PRDM16: variants seen among roughly 807,000 people sequenced by gnomAD.
PRDM16 encodes histone-lysine N-methyltransferase PRDM16.
Under a neutral mutation model 110.6 loss-of-function variants are expected in PRDM16, and 23 were observed. The observed-to-expected ratio is 0.21, with a 90% CI of 0.15 to 0.29. PRDM16 has a LOEUF of 0.29. Among genes scored for constraint, PRDM16 ranks in the 10% least tolerant of loss-of-function variants. The probability of loss-of-function intolerance (pLI) is 1.00; values close to 1 mark genes in which losing one functional copy is unlikely to be tolerated. For missense variants in PRDM16, 1,615 were observed against 1,794.3 expected (o/e 0.90, Z 1.81); for synonymous variants, 799 against 781.8 (o/e 1.02, Z -0.37).
chr1:3,409,399 A>C (rs1307504468), intron 8 of PRDM16, among the ~76,000 whole-genome samples: 2 of 152,122 alleles, frequency 1.3e-5, no homozygotes, highest in Admixed American at 1.3e-4. Context: ...GAAACGAGAC[A>C]AAGTTCTTCT....
intron 3 of PRDM16, chr1:3,307,622 A>C (rs1486931730): frequency 1.3e-5 from 2 of 152,206 alleles, no homozygotes; most frequent in African/African-American, 4.8e-5. Flanking sequence ...CACAGTGTGC[A>C]AGGCTGAACG....
chr1:3,084,490 G>T (rs1642105391), intron 1 of PRDM16, among the ~76,000 whole-genome samples: 1 of 152,188 alleles, frequency 6.6e-6, no homozygotes, highest in Non-Finnish European at 1.5e-5. Flanking sequence ...AATGCTGGGG[G>T]CGAGGGGCCA....
At chr1:3,137,281 C>T (rs141021261) in intron 1 of PRDM16, among the ~76,000 whole-genome samples, 32 of 152,330 alleles carry the variant, frequency 2.1e-4, no homozygotes, top group Non-Finnish European at 4.3e-4. Flanking sequence ...CGCCACCGGC[C>T]CGGGTGCAGG....
chr1:3,168,546 A>G (rs887166377), intron 1 of PRDM16, among the ~76,000 whole-genome samples: 3 of 150,358 alleles, frequency 2.0e-5, no homozygotes, highest in African/African-American at 7.4e-5. Context: ...GTCCGGAGAA[A>G]GAAGACAAAT....
chr1:3,433,322 C>T (rs1208527901), intron 16 of PRDM16, among the ~76,000 whole-genome samples: 1 of 152,264 alleles, frequency 6.6e-6, no homozygotes, highest in Non-Finnish European at 1.5e-5. Flanking sequence ...GGGTCTTAGT[C>T]CCTCTTGTTC....
At chr1:3,356,416 A>G (rs953475634) in intron 3 of PRDM16, among the ~76,000 whole-genome samples, 3 of 152,114 alleles carry the variant, frequency 2.0e-5, no homozygotes, top group Non-Finnish European at 4.4e-5. Context: ...TCCACACCCA[A>G]TCTGCCCTCC....
At chr1:3,248,264 T>C (rs1481900271) in intron 3 of PRDM16, among the ~76,000 whole-genome samples, 2 of 152,238 alleles carry the variant, frequency 1.3e-5, no homozygotes, top group South Asian at 2.1e-4. Flanking sequence ...ATTCAATCTC[T>C]GGCGATATGA....
intron 3 of PRDM16, among the ~76,000 whole-genome samples, chr1:3,364,964 G>T (rs897268403): frequency 2.0e-5 from 3 of 152,222 alleles, no homozygotes; most frequent in African/African-American, 7.2e-5. Context: ...TGCAGCCTGG[G>T]AAAGCCTTAC....
Position 3,109,217 on chromosome 1 carries a change from G to A in PRDM16, c.37+39921G>A, listed in dbSNP as rs140800218. ...TCTTTCTGTGTCACAGGTTTTTGTC[G>A]CCTTGGGGCTAAGTGTGCTGATCCG... On this transcript the variant is annotated intron_variant, in intron 1 of 16. Coordinates refer to ENST00000270722, the MANE Select transcript of PRDM16 (RefSeq NM_022114.4). Among the ~76,000 whole-genome samples, 469 of 152,256 alleles carry A rather than the reference G, an allele frequency of 3.1e-3. 3 individuals carry two copies. Among genetic ancestry groups the A allele is most frequent in the Non-Finnish European group, 5.3e-3 (364 of 68,042 alleles).
chr1:3,278,612 C>G, intron 3 of PRDM16, among the ~76,000 whole-genome samples: 1 of 152,200 alleles, frequency 6.6e-6, no homozygotes, highest in East Asian at 1.9e-4. Flanking sequence ...CCCTGCTGCC[C>G]GGCGGGGCCT....
intron 1 of PRDM16, among the ~76,000 whole-genome samples, chr1:3,119,267 C>G (rs981498779): frequency 5.9e-5 from 9 of 152,222 alleles, no homozygotes; most frequent in Admixed American, 5.9e-4. Flanking sequence ...GGTGAAGGGC[C>G]GGTGCCTCGG....
intron 3 of PRDM16, among the ~76,000 whole-genome samples, chr1:3,366,623 A>T (rs1642821408): frequency 6.6e-6 from 1 of 152,194 alleles, no homozygotes. Flanking sequence ...CCTGAGGACT[A>T]AAAAAGACCT....
At chr1:3,205,910 C>T (rs1051471650) in intron 2 of PRDM16, 1 of 152,242 alleles carries the variant, frequency 6.6e-6, no homozygotes, top group Non-Finnish European at 1.5e-5. Context: ...ATCTCCGGAT[C>T]CCACACAATT....
At chr1:3,335,981 C>T (rs1051077205) in intron 3 of PRDM16, among the ~76,000 whole-genome samples, 5 of 152,238 alleles carry the variant, frequency 3.3e-5, no homozygotes, top group African/African-American at 1.2e-4. Flanking sequence ...TGAAGTCAGT[C>T]GTGGATCTGT....
At chr1:3,273,809 G>A (rs893426135) in intron 3 of PRDM16, among the ~76,000 whole-genome samples, 2 of 129,218 alleles carry the variant, frequency 1.5e-5, no homozygotes, top group African/African-American at 6.3e-5. Context: ...TAACTGCATA[G>A]GCATGTAAGT....
At chr1:3,348,012 T>G (rs138450985) in intron 3 of PRDM16, among the ~76,000 whole-genome samples, 106 of 152,038 alleles carry the variant, frequency 7.0e-4, no homozygotes, top group African/African-American at 2.2e-3. Flanking sequence ...TCAGTCTGCT[T>G]TGGCCGAGGC....
intron 1 of PRDM16, among the ~76,000 whole-genome samples, chr1:3,072,785 G>A (rs970546498): frequency 3.9e-5 from 6 of 152,214 alleles, no homozygotes; most frequent in South Asian, 2.1e-4. Context: ...GCCCCGCTTC[G>A]GACGAAAACA....
At chr1:3,083,703 T>C (rs1313993348) in intron 1 of PRDM16, among the ~76,000 whole-genome samples, 2 of 151,972 alleles carry the variant, frequency 1.3e-5, no homozygotes, top group Non-Finnish European at 2.9e-5. Flanking sequence ...TTGGGGGTGT[T>C]GTTTATCAGA....
intron 3 of PRDM16, among the ~76,000 whole-genome samples, chr1:3,283,470 C>T: frequency 6.6e-6 from 1 of 152,214 alleles, no homozygotes; most frequent in East Asian, 1.9e-4. Context: ...TCACCCACTC[C>T]CCAGAGTGGA....
Sources: gnomAD v4.1 joint callset for allele counts (sites outside exome capture counted in the v4.1 genomes callset) on GRCh38, gnomAD v4.1.1 for gene constraint, MANE v1.5 for transcripts, NCBI Gene and HGNC (gene_info 2026-07-23, HGNC 2026-07-21) for gene names.